The following PHKG2 variants were observed in gnomAD, a reference collection of about 807,000 sequenced individuals.
PHKG2 encodes the protein phosphorylase b kinase gamma catalytic chain, liver/testis isoform.
In PHKG2, 28 loss-of-function variants were observed where a neutral mutation model predicts 44.5. That is an observed-to-expected ratio of 0.63 (90% CI 0.47 to 0.86). PHKG2 has a LOEUF of 0.86. PHKG2 is among the 40% of genes least tolerant of loss of function. The probability of loss-of-function intolerance (pLI) is 0.00; values close to 1 mark genes in which losing one functional copy is unlikely to be tolerated. For missense variants in PHKG2, 498 were observed against 547.5 expected (o/e 0.91, Z 0.90); for synonymous variants, 220 against 211.2 (o/e 1.04, Z -0.36).
intron 1 of PHKG2, 123 bp from the exon 2 acceptor site, chr16:30,748,680 C>G (rs1377307678): frequency 2.1e-5 from 6 of 280,128 alleles, no homozygotes; most frequent in Non-Finnish European, 3.3e-5. Context: ...CTTCCCCCAC[C>G]CCCCCCCACC....
intron 2 of PHKG2, among the ~76,000 whole-genome samples, chr16:30,750,212 AT>A (rs2053326573): frequency 1.3e-5 from 2 of 151,974 alleles, no homozygotes; most frequent in African/African-American, 4.8e-5. Flanking sequence ...GTGTAAAAAA[AT>A]AAAAAAAAAA....
intron 4 of PHKG2, chr16:30,752,954 ATAGT>A: frequency 6.1e-6 from 3 of 494,292 alleles, no homozygotes; most frequent in Non-Finnish European, 1.1e-5. Flanking sequence ...TTTTTCAGGC[ATAGT>A]TACTCTCAAC....
In PHKG2 at chr16:30,758,730, A is replaced by G. The variant is rs2151313660; in HGVS notation, c.*1633A>G. The G allele has an allele frequency of 9.2e-6, 4 of 432,606 alleles. No individual in the cohort carries two copies. The South Asian group carries it at 9.4e-5, about 10-fold the overall frequency. 26.8% of individuals were successfully genotyped at this position (432,606 alleles called of 1,614,324 possible). A position where few individuals can be genotyped will look rare whatever the true frequency, so the allele number is the denominator to read the frequency against. On this transcript the variant is annotated 3_prime_UTR_variant, in exon 10 of 10. Coordinates refer to ENST00000563588, the MANE Select transcript of PHKG2 (RefSeq NM_000294.3). ...ACCACCATGCCTGGCTATTTTTTGT[A>G]TTTTAGTAGATAGGGGGTTTCACGG...
Position 30,760,021 on chromosome 16 carries a change from C to T in PHKG2, c.*2924C>T. On this transcript the variant is annotated 3_prime_UTR_variant, in exon 10 of 10. Transcript: ENST00000563588. ...ACATTCTGAAGCAAGAGCTATTAAACATTCTAAAGCAGGTGTTATTGTGCA... is the reference window on the plus strand; with the variant it reads ...ACATTCTGAAGCAAGAGCTATTAAATATTCTAAAGCAGGTGTTATTGTGCA... 1 of 1,483,234 alleles carries T rather than the reference C, an allele frequency of 6.7e-7. No individual in the cohort carries two copies. Among genetic ancestry groups the T allele is most frequent in the East Asian group, 2.5e-5 (1 of 40,472 alleles). 91.9% of individuals were successfully genotyped at this position (1,483,234 alleles called of 1,614,324 possible). A position where few individuals can be genotyped will look rare whatever the true frequency, so the allele number is the denominator to read the frequency against.
chr16:30,761,040 G>C lies in PHKG2; in HGVS notation c.*3943G>C, dbSNP rs1008389917. 5.3e-6 allele frequency: 4 copies of C among 754,410 alleles called. No homozygotes were observed. The highest frequency in any genetic ancestry group is 1.8e-5 in the African/African-American group (1 of 56,748). The allele number at this position is 754,410 out of a possible 1,614,324, so 46.7% of individuals were successfully genotyped here. On this transcript the variant is annotated 3_prime_UTR_variant, in exon 10 of 10. Coordinates refer to ENST00000563588, the MANE Select transcript of PHKG2 (RefSeq NM_000294.3). The stretch of plus-strand genomic sequence containing the variant: ...CTCACACTGCCTCCTCTTTGGACTG[G>C]AGAGGCTGGAAAGCCAACTTCCAGT...
rs1270339010 is a variant in PHKG2, at chr16:30,748,472, C to T, written c.-37C>T. 2 of 358,324 alleles carry T rather than the reference C, an allele frequency of 5.6e-6. No homozygotes were observed. Among genetic ancestry groups the T allele is most frequent in the Admixed American group, 8.9e-5 (2 of 22,596 alleles). 22.2% of individuals were successfully genotyped at this position (358,324 alleles called of 1,614,324 possible). A position where few individuals can be genotyped will look rare whatever the true frequency, so the allele number is the denominator to read the frequency against. On this transcript the variant is annotated 5_prime_UTR_variant, in exon 1 of 10. Coordinates refer to ENST00000563588, the MANE Select transcript of PHKG2 (RefSeq NM_000294.3). ...AGCGCAGCTCGCGTCGACCCTGGCT[C>T]CTCTGCCTGCCCCCTCAGGTGAGCC...
intron 3 of PHKG2, 49 bp downstream of exon 3, chr16:30,751,330 G>A: frequency 6.3e-7 from 1 of 1,585,758 alleles, no homozygotes; most frequent in Non-Finnish European, 8.6e-7. Context: ...CCCACCTCCT[G>A]CTGGCCCTGC....
Position 30,760,552 on chromosome 16 carries a change from C to T in PHKG2, c.*3455C>T. On this transcript the variant is annotated 3_prime_UTR_variant, in exon 10 of 10. Transcript: ENST00000563588. ...TCAGCCATTCCTCATGTTTTCCCAA[C>T]CTGACCCCTCAGCCTTTGCCAAGAG... 3 of 1,589,390 alleles carry T rather than the reference C, an allele frequency of 1.9e-6. No homozygotes were observed. The highest frequency in any genetic ancestry group is 2.6e-6 in the Non-Finnish European group (3 of 1,167,424).
chr16:30,759,684 G>C lies in PHKG2; in HGVS notation c.*2587G>C. ...CTCCATGGCAAAAAAGGACACTGGT[G>C]AAGTAGCGGTAGCACTCCTCCACGT... On this transcript the variant is annotated 3_prime_UTR_variant, in exon 10 of 10. Coordinates refer to ENST00000563588, the MANE Select transcript of PHKG2 (RefSeq NM_000294.3). 4 of 1,613,954 alleles carry C rather than the reference G, an allele frequency of 2.5e-6. No homozygotes were observed. Among genetic ancestry groups the C allele is most frequent in the Non-Finnish European group, 3.4e-6 (4 of 1,179,982 alleles).
At chr16:30,748,681 C>A (rs1229539513) in intron 1 of PHKG2, 122 bp from the exon 2 acceptor site, 1 of 307,404 alleles carries the variant, frequency 3.3e-6, no homozygotes, top group Non-Finnish European at 6.4e-6. Context: ...TTCCCCCACC[C>A]CCCCCCACCC....
At chr16:30,750,136 A>G (rs991956891) in intron 2 of PHKG2, among the ~76,000 whole-genome samples, 7 of 152,136 alleles carry the variant, frequency 4.6e-5, no homozygotes, top group Non-Finnish European at 1.0e-4. Flanking sequence ...GCCAAGAGTA[A>G]GAGAGTAGGA....
At position 30,757,784 on chromosome 16, in the gene PHKG2, C is replaced by G. The variant is rs1033620752; in HGVS notation, c.*687C>G. ...ATATAGAGGTAGCAATGTTGTTTCCCTTTAGGAAATGTTAGCAAGCCCTTG... is the reference window on the plus strand; with the variant it reads ...ATATAGAGGTAGCAATGTTGTTTCCGTTTAGGAAATGTTAGCAAGCCCTTG... On this transcript the variant is annotated 3_prime_UTR_variant, in exon 10 of 10. Transcript: ENST00000563588. 6 of 1,431,332 alleles carry G rather than the reference C, an allele frequency of 4.2e-6. No individual in the cohort carries two copies. The highest frequency in any genetic ancestry group is 5.5e-6 in the Non-Finnish European group (6 of 1,096,492). 88.7% of individuals were successfully genotyped at this position (1,431,332 alleles called of 1,614,324 possible).
At chr16:30,751,015 G>A (rs2053336025) in intron 2 of PHKG2, 91 bp from the exon 3 acceptor site, 3 of 1,354,722 alleles carry the variant, frequency 2.2e-6, no homozygotes, top group Non-Finnish European at 3.1e-6. Context: ...TTCAGAGTCT[G>A]GCACAGCGGG....
Position 30,760,703 on chromosome 16 carries a change from G to C in PHKG2, c.*3606G>C, listed in dbSNP as rs750024690. ...TAAAAGAAAAAGAGTATTGGTGGCC[G>C]TTACCTATCATGACAAGGCTGTGAC... On this transcript the variant is annotated 3_prime_UTR_variant, in exon 10 of 10. Transcript: ENST00000563588. 7.1e-6 allele frequency: 11 copies of C among 1,540,566 alleles called. No homozygotes were observed. Among genetic ancestry groups the C allele is most frequent in the Non-Finnish European group, 9.7e-6 (11 of 1,137,230 alleles).
intron 4 of PHKG2, 49 bp downstream of exon 4, chr16:30,751,652 G>A (rs762740524): frequency 2.1e-6 from 3 of 1,440,940 alleles, no homozygotes; most frequent in Non-Finnish European, 2.0e-6. Context: ...CCACCTCCAT[G>A]TATGGCCCAG....
Position 30,760,790 on chromosome 16 carries a change from CTG to C in PHKG2, c.*3698_*3699del. 1.2e-6 allele frequency: 1 copy of C among 839,402 alleles called. No homozygotes were observed. The highest frequency in any genetic ancestry group is 2.0e-6 in the Non-Finnish European group (1 of 509,036). The allele number at this position is 839,402 out of a possible 1,614,324, so 52.0% of individuals were successfully genotyped here. On this transcript the variant is annotated 3_prime_UTR_variant, in exon 10 of 10. Transcript: ENST00000563588. ...GAAGCTGGGCTCTTTTGCCAGCTTG[CTG>C]TGTGACTATGCAAATCGTTAACTCT...
rs767189076 is a variant in PHKG2 at position 30,760,883 on chromosome 16, C to G, written c.*3786C>G. 1.6e-6 allele frequency: 1 copy of G among 620,954 alleles called. No individual in the cohort carries two copies. The highest frequency in any genetic ancestry group is 2.7e-5 in the East Asian group (1 of 36,606). The allele number at this position is 620,954 out of a possible 1,614,324, so 38.5% of individuals were successfully genotyped here. ...AGCCTAGGGTTAGGAATCTTGAATTCTTTTTTCTGCTCTGCCACTACCTTG... is the reference window on the plus strand; with the variant it reads ...AGCCTAGGGTTAGGAATCTTGAATTGTTTTTTCTGCTCTGCCACTACCTTG... On this transcript the variant is annotated 3_prime_UTR_variant, in exon 10 of 10. Coordinates refer to ENST00000563588, the MANE Select transcript of PHKG2 (RefSeq NM_000294.3).
chr16:30,758,379 G>GT lies in PHKG2; in HGVS notation c.*1291dup, dbSNP rs551154426. 31 of 152,760 alleles carry GT rather than the reference G, an allele frequency of 2.0e-4. No homozygotes were observed. In the East Asian group the frequency reaches 2.3e-3, roughly 12 times the overall value. 9.5% of individuals were successfully genotyped at this position (152,760 alleles called of 1,614,324 possible). A position where few individuals can be genotyped will look rare whatever the true frequency, so the allele number is the denominator to read the frequency against. ...AGCCACTGCACCTGGCCTGTTCTTT[G>GT]TTTTTTTTTAACTCTTAAGTTCTGG... On this transcript the variant is annotated 3_prime_UTR_variant, in exon 10 of 10. Coordinates refer to ENST00000563588, the MANE Select transcript of PHKG2 (RefSeq NM_000294.3).
chr16:30,751,953 C>T (rs112807163), intron 4 of PHKG2: 8 of 323,794 alleles, frequency 2.5e-5, no homozygotes, highest in South Asian at 1.6e-4. Context: ...ATCAGCCGGG[C>T]GTGGTGGTGG....
Sources: gnomAD v4.1 joint callset for allele counts (sites outside exome capture counted in the v4.1 genomes callset) on GRCh38, gnomAD v4.1.1 for gene constraint, MANE v1.5 for transcripts, NCBI Gene and HGNC (gene_info 2026-07-23, HGNC 2026-07-21) for gene names.